URB1: variants seen among roughly 807,000 people sequenced by gnomAD.
URB1 encodes URB1 ribosome biogenesis factor, also known as nucleolar pre-ribosomal-associated protein 1.
Under a neutral mutation model 242.3 loss-of-function variants are expected in URB1, and 197 were observed. The observed-to-expected ratio is 0.81, with a 90% CI of 0.72 to 0.91. URB1 has a LOEUF of 0.91. URB1 is among the 40% of genes least tolerant of loss of function. The probability of loss-of-function intolerance (pLI) is 0.00; values close to 1 mark genes in which losing one functional copy is unlikely to be tolerated. For synonymous variants in URB1, 1,153 were observed against 1,201.8 expected, an observed-to-expected ratio of 0.96 and a Z score of 0.84; for missense variants, 2,721 against 2,860.5, an observed-to-expected ratio of 0.95 and a Z score of 1.11.
At chr21:32,335,683 G>T (rs1250044216) in intron 28 of URB1, 3 of 152,568 alleles carry the variant, frequency 2.0e-5, no homozygotes, top group Non-Finnish European at 4.4e-5. Flanking sequence ...CAGGCAGAGA[G>T]CCCATGCGCC....
chr21:32,333,603 T>A (rs1421042214), intron 29 of URB1, among the ~76,000 whole-genome samples, 184 bp from the exon 30 acceptor site: 1 of 152,242 alleles, frequency 6.6e-6, no homozygotes, highest in Admixed American at 6.5e-5. Flanking sequence ...ATGTTTCATA[T>A]GCACGTAATA....
chr21:32,321,667 CCTAA>C (rs2032767618), intron 34 of URB1, 130 bp downstream of exon 34: 6 of 1,339,748 alleles, frequency 4.5e-6, no homozygotes, highest in Non-Finnish European at 6.0e-6. Flanking sequence ...TCTCACTTCC[CCTAA>C]CTGAGAGCCA....
At chr21:32,361,162 A>AGAAAGAAAGAAAGAAAGAAAGAAG in intron 12 of URB1, 39 bp from the exon 13 acceptor site, 1 of 551,564 alleles carries the variant, frequency 1.8e-6, no homozygotes, top group African/African-American at 2.2e-5. Context: ...AAGAGAAAAA[A>AGAAAGAAAGAAAGAAAGAAAGAAG]GAAAGAAAGA....
Position 32,361,999 on chromosome 21 carries a change from A to T in URB1, c.1532T>A (p.Val511Asp). Residue 511 changes from valine to aspartate, a missense_variant, in exon 12 of 39, where the codon GTC (valine) becomes GAC (aspartate). By Grantham distance (152) the Val-to-Asp change is radical. Coordinates refer to ENST00000382751, the MANE Select transcript of URB1 (RefSeq NM_014825.3). ...LSKILPDLNT[V>D]VWVWQSLKKQ... ...TTTAAGTGACTGCCAGACCCACACG[A>T]CAGTGTTCAGGTCTGGCAAAATCTA... The T allele has an allele frequency of 1.7e-5, 26 of 1,551,672 alleles. No homozygotes were observed. The highest frequency in any genetic ancestry group is 2.2e-5 in the Non-Finnish European group (25 of 1,146,934).
Position 32,375,463 on chromosome 21 carries a change from T to C in URB1, c.685A>G (p.Ser229Gly). 1 of 1,527,938 alleles carries C rather than the reference T, an allele frequency of 6.5e-7. No individual in the cohort carries two copies. The highest frequency in any genetic ancestry group is 8.8e-7 in the Non-Finnish European group (1 of 1,135,762). 94.6% of individuals were successfully genotyped at this position (1,527,938 alleles called of 1,614,324 possible). A position where few individuals can be genotyped will look rare whatever the true frequency, so the allele number is the denominator to read the frequency against. ...ATCCTATCTTCCTTTATCCCTGAGC[T>C]AAAAATGCAAGGAATAAATTCTGAA... ...EVKEFIPCIF[S>G]SGIKEDRIST... The change falls in exon 6 of 39, where the codon AGC (serine) becomes GGC (glycine). Residue 229 changes from serine (S) to glycine (G), a missense_variant. Ser to Gly is a moderately conservative substitution (Grantham distance 56). Coordinates refer to ENST00000382751, the MANE Select transcript of URB1 (RefSeq NM_014825.3).
intron 2 of URB1, among the ~76,000 whole-genome samples, chr21:32,384,738 T>C (rs2033563300): frequency 6.6e-6 from 1 of 152,136 alleles, no homozygotes; most frequent in East Asian, 1.9e-4. Context: ...TCCCAGCACT[T>C]TGGGAGGCTG....
At position 32,391,431 on chromosome 21, in the gene URB1, A is replaced by T. The variant is rs111616780; in HGVS notation, c.142+1338T>A. ...AGCCTTCTTTGAGCTCCCAGATTAGATCCAAGGTCTGTTAAACACCCTCAG... is the reference window on the plus strand; with the variant it reads ...AGCCTTCTTTGAGCTCCCAGATTAGTTCCAAGGTCTGTTAAACACCCTCAG... On this transcript the variant is annotated intron_variant, in intron 1 of 38. Transcript: ENST00000382751. Among the ~76,000 whole-genome samples the T allele has an allele frequency of 1.5e-3, 234 of 152,022 alleles. 2 individuals are homozygous for T. Among genetic ancestry groups the T allele is most frequent in the Middle Eastern group, 6.8e-3 (2 of 292 alleles).
At chr21:32,350,586 G>A (rs2033145488) in intron 20 of URB1, 118 bp downstream of exon 20, 1 of 1,187,802 alleles carries the variant, frequency 8.4e-7, no homozygotes, top group Non-Finnish European at 1.2e-6. Flanking sequence ...CACTTAAACT[G>A]CCTCTGCAGT....
rs1192455349 is a variant in URB1, at chr21:32,359,761, G to A, written c.1869+35C>T. The A allele has an allele frequency of 1.7e-5, 25 of 1,513,010 alleles. No individual in the cohort carries two copies. The Middle Eastern group carries it at 5.7e-4, about 35-fold the overall frequency. The allele number at this position is 1,513,010 out of a possible 1,614,324, so 93.7% of individuals were successfully genotyped here. A position where few individuals can be genotyped will look rare whatever the true frequency, so the allele number is the denominator to read the frequency against. On this transcript the variant is annotated intron_variant, in intron 14 of 38. Coordinates refer to ENST00000382751, the MANE Select transcript of URB1 (RefSeq NM_014825.3). ...AGAAGCCACCCGGCCCAGCAGGTAA[G>A]CTTAGGGCAGAAGACTGGGAGTTCT...
Position 32,347,356 on chromosome 21 carries a change from G to T in URB1, c.3468C>A (p.Thr1156=). Residue 1156 remains threonine (T), a synonymous_variant, in exon 22 of 39, where the codon ACC becomes ACA. Transcript: ENST00000382751. Reference sequence around the variant, plus strand: ...GGCTGCAGGTCAGCAGCTGCACCAGGGTCTTTCCAAGAGCATTCAGGTGTC... The same window carrying T: ...GGCTGCAGGTCAGCAGCTGCACCAGTGTCTTTCCAAGAGCATTCAGGTGTC... ...KERHLNALGK[T]LVQLLTCSPQ... 1 of 1,551,376 alleles carries T rather than the reference G, an allele frequency of 6.4e-7. No homozygotes were observed. The highest frequency in any genetic ancestry group is 1.4e-5 in the African/African-American group (1 of 73,174).
intron 36 of URB1, 117 bp downstream of exon 36, chr21:32,319,100 T>C: frequency 1.9e-6 from 2 of 1,026,814 alleles, no homozygotes. Flanking sequence ...CCACAGCAGA[T>C]CACGGCCCAG....
Position 32,316,571 on chromosome 21 carries a change from T to C in URB1, c.6529A>G (p.Met2177Val). The change falls in exon 38 of 39, where the codon ATG becomes GTG. Residue 2177 changes from methionine (M) to valine (V), a missense_variant. Physicochemically the swap from Met to Val is conservative, Grantham distance 21. Coordinates refer to ENST00000382751, the MANE Select transcript of URB1 (RefSeq NM_014825.3). ...CCCTGGGCAGCCACCAGCTGCAGCA[T>C]GACCGTATTGAACAGGCAGGCCACC... is the stretch of plus-strand genomic sequence containing the variant. ...QEVACLFNTV[M>V]LQLVAAQGRA... is the part of the protein sequence containing the mutation. 1 of 1,551,360 alleles carries C rather than the reference T, an allele frequency of 6.4e-7. No homozygotes were observed.
chr21:32,316,612 G>T lies in URB1; in HGVS notation c.6488C>A (p.Ala2163Glu), dbSNP rs996584693. The T allele has an allele frequency of 3.2e-6, 5 of 1,551,432 alleles. No homozygotes were observed. In the African/African-American group the frequency reaches 6.8e-5, roughly 21 times the overall value. ...YSRLCGAEGL[A>E]GPVQEVACLF... The stretch of plus-strand genomic sequence containing the variant: ...GCAGGCCACCTCCTGCACAGGCCCT[G>T]CCAGCCCCTCAGCCCCACAGAGCCG... Residue 2163 changes from alanine to glutamate, a missense_variant, in exon 38 of 39, where the codon GCA becomes GAA. By Grantham distance (107) the Ala-to-Glu change is moderately radical. Transcript: ENST00000382751.
At chr21:32,362,674 CTG>C (rs2033302332) in intron 11 of URB1, among the ~76,000 whole-genome samples, 2 of 152,194 alleles carry the variant, frequency 1.3e-5, no homozygotes, top group Non-Finnish European at 2.9e-5. Context: ...CCCTGTGTAA[CTG>C]GGGCTCTCAG....
chr21:32,356,668 A>G (rs2033224386), intron 15 of URB1, among the ~76,000 whole-genome samples: 1 of 152,230 alleles, frequency 6.6e-6, no homozygotes, highest in African/African-American at 2.4e-5. Flanking sequence ...AGAAACTGGT[A>G]TGAGGCAGGA....
chr21:32,335,993 TG>T (rs2032954811), intron 28 of URB1, among the ~76,000 whole-genome samples: 2 of 152,092 alleles, frequency 1.3e-5, no homozygotes, highest in African/African-American at 4.8e-5. Context: ...TCTGCAGAAA[TG>T]GGTAGCTGGA....
Position 32,359,813 on chromosome 21 carries a change from G to A in URB1, c.1852C>T (p.Leu618=). ...CTTCCTACCTGTGCCTTTAACCACA[G>A]AAACTTGCTGGCCGGCAGCTCCAGG... ...VALELPASKF[L]WLKAQEGPDA... Residue 618 remains leucine, a synonymous_variant, in exon 14 of 39, where the codon CTG becomes TTG. Transcript: ENST00000382751. The A allele has an allele frequency of 6.5e-7, 1 of 1,546,908 alleles. No individual in the cohort carries two copies. The highest frequency in any genetic ancestry group is 8.7e-7 in the Non-Finnish European group (1 of 1,145,340).
chr21:32,381,862 G>C (rs539296628), intron 4 of URB1, among the ~76,000 whole-genome samples: 1 of 152,324 alleles, frequency 6.6e-6, no homozygotes, highest in African/African-American at 2.4e-5. Flanking sequence ...AGCTGGTACA[G>C]GGGTTCCTCA....
intron 26 of URB1, among the ~76,000 whole-genome samples, chr21:32,337,722 G>A (rs1205900419): frequency 6.8e-6 from 1 of 147,450 alleles, no homozygotes; most frequent in African/African-American, 2.5e-5. Context: ...TTTTTGAGAT[G>A]AGGTCGTGCT....
Sources: gnomAD v4.1 joint callset for allele counts (sites outside exome capture counted in the v4.1 genomes callset) on GRCh38, gnomAD v4.1.1 for gene constraint, MANE v1.5 for transcripts, NCBI Gene and HGNC (gene_info 2026-07-23, HGNC 2026-07-21) for gene names.